KIF7: variants seen among roughly 807,000 people sequenced by gnomAD.
KIF7 encodes kinesin family member 7.
KIF7 carries 104 observed loss-of-function variants against 135.7 expected under a neutral mutation model. The observed-to-expected ratio is 0.77, with a 90% CI of 0.65 to 0.90. The LOEUF (loss-of-function observed/expected upper bound fraction) is 0.90, where lower values mean the gene tolerates loss of function less well. Ranked by LOEUF, KIF7 falls within the 40% of genes least tolerant of loss-of-function variation. The pLI is 0.00. For synonymous variants in KIF7, 883 were observed against 809.4 expected (o/e 1.09, Z -1.54); for missense variants, 2,005 against 1,839.1 (o/e 1.09, Z -1.65).
Position 89,642,868 on chromosome 15 carries a change from C to T in KIF7, c.2192-463G>A, listed in dbSNP as rs143091949. 2.7e-3 allele frequency among the ~76,000 whole-genome samples: 407 copies of T among 152,260 alleles called. 2 individuals are homozygous for T. The highest frequency in any genetic ancestry group is 9.3e-3 in the African/African-American group (385 of 41,564). On this transcript the variant is annotated intron_variant, in intron 10 of 18. Transcript: ENST00000394412. ...ACAGGCGTGAGCCACCGCGCCCAGCCTCAACTCACCTTTTAAATAAGCCTC... is the reference window on the plus strand; with the variant it reads ...ACAGGCGTGAGCCACCGCGCCCAGCTTCAACTCACCTTTTAAATAAGCCTC...
At chr15:89,642,090 A>G (rs1194647832) in intron 11 of KIF7, 113 bp downstream of exon 11, 2 of 1,127,796 alleles carry the variant, frequency 1.8e-6, no homozygotes, top group Non-Finnish European at 2.6e-6. Context: ...GGGCTGGAGC[A>G]CAAGGTTCCA....
intron 11 of KIF7, among the ~76,000 whole-genome samples, chr15:89,641,731 G>A (rs1017602738): frequency 6.6e-6 from 1 of 152,168 alleles, no homozygotes; most frequent in Non-Finnish European, 1.5e-5. Flanking sequence ...AACCCAGGAG[G>A]CGGAGGTTGC....
Position 89,648,588 on chromosome 15 carries a change from G to A in KIF7, c.1110C>T (p.Ser370=), listed in dbSNP as rs1964062909. 2.0e-6 allele frequency: 3 copies of A among 1,521,756 alleles called. No homozygotes were observed. The highest frequency in any genetic ancestry group is 2.6e-6 in the Non-Finnish European group (3 of 1,138,384). The allele number at this position is 1,521,756 out of a possible 1,614,324, so 94.3% of individuals were successfully genotyped here. Residue 370 remains serine, a synonymous_variant, in exon 5 of 19, where the codon AGC becomes AGT. Coordinates refer to ENST00000394412, the MANE Select transcript of KIF7 (RefSeq NM_198525.3). ...GGTGCCGTGGCGGACCCCGCGCGCC[G>A]CTCGCCGTCTCTTCGGGTGGCCGCT... ...EAERPPEETA[S]GARGPPRHRS...
chr15:89,660,506 G>A, the KIF7 span, among the ~76,000 whole-genome samples: 4 of 152,168 alleles, frequency 2.6e-5, no homozygotes, highest in Non-Finnish European at 1.5e-5. Context: ...GTTGATCGCT[G>A]GAGCTGGAGC....
At chr15:89,627,141 A>C, downstream of KIF7, 1 of 1,603,664 alleles carries the variant, frequency 6.2e-7, no homozygotes, top group Non-Finnish European at 8.5e-7. Flanking sequence ...CCCTGTGGAC[A>C]TAAAGAAGTT....
chr15:89,654,951 C>G (rs1317444548), intron 1 of KIF7, among the ~76,000 whole-genome samples: 1 of 152,254 alleles, frequency 6.6e-6, no homozygotes, highest in Non-Finnish European at 1.5e-5. Context: ...GCGTTCCGAG[C>G]CCGGTGCAGT....
intron 4 of KIF7, 61 bp downstream of exon 4, chr15:89,648,913 G>A: frequency 2.0e-6 from 3 of 1,477,752 alleles, no homozygotes; most frequent in South Asian, 2.7e-5. Flanking sequence ...CCCCACTGGT[G>A]TGCTGGACAC....
intron 15 of KIF7, among the ~76,000 whole-genome samples, 185 bp downstream of exon 15, chr15:89,631,310 G>C (rs1963669428): frequency 6.6e-6 from 1 of 152,226 alleles, no homozygotes; most frequent in Non-Finnish European, 1.5e-5. Flanking sequence ...CAGCCAATGA[G>C]GCCAAAGCAG....
intron 11 of KIF7, among the ~76,000 whole-genome samples, chr15:89,639,988 T>C (rs1395310600): frequency 6.6e-6 from 1 of 152,208 alleles, no homozygotes; most frequent in Non-Finnish European, 1.5e-5. Flanking sequence ...TCATGTCCTT[T>C]GTAGGGACAT....
In KIF7 at chr15:89,629,670, C is replaced by T. The variant is rs540513085; in HGVS notation, c.3319-97G>A. 151 of 1,519,214 alleles carry T rather than the reference C, an allele frequency of 9.9e-5. 1 individual carries two copies. The highest frequency in any genetic ancestry group is 1.2e-4 in the Non-Finnish European group (133 of 1,120,620). 94.1% of individuals were successfully genotyped at this position (1,519,214 alleles called of 1,614,324 possible). A position where few individuals can be genotyped will look rare whatever the true frequency, so the allele number is the denominator to read the frequency against. ...CACAGTATTGGCACACTTGCCACCA[C>T]GGCACTAAGAAATCACCAGGGTCTT... is the stretch of plus-strand genomic sequence containing the variant. On this transcript the variant is annotated intron_variant, in intron 16 of 18. Coordinates refer to ENST00000394412, the MANE Select transcript of KIF7 (RefSeq NM_198525.3).
rs1209636794 is a variant in KIF7, at chr15:89,648,635, C to T, written c.1063G>A (p.Val355Ile). Residue 355 changes from valine (V) to isoleucine (I), a missense_variant, in exon 5 of 19, where the codon GTC (valine) becomes ATC (isoleucine). Physicochemically the swap from Val to Ile is conservative, Grantham distance 29. Transcript: ENST00000394412. Reference protein sequence around the residue: ...RAQNIRNRATVNWRPEAERPP... With the variant: ...RAQNIRNRATINWRPEAERPP... ...CGCTCGGCCTCGGGCCGCCAGTTGA[C>T]CGTGGCGCGGTTGCGGATGTTCTGG... 1 of 1,535,270 alleles carries T rather than the reference C, an allele frequency of 6.5e-7. No homozygotes were observed. Among genetic ancestry groups the T allele is most frequent in the Admixed American group, 2.0e-5 (1 of 50,926 alleles).
intron 11 of KIF7, 121 bp from the exon 12 acceptor site, chr15:89,634,004 T>C: frequency 9.6e-7 from 1 of 1,038,860 alleles, no homozygotes; most frequent in Non-Finnish European, 1.5e-6. Flanking sequence ...GATAGACCAA[T>C]AATAATAACA....
intron 2 of KIF7, among the ~76,000 whole-genome samples, chr15:89,651,716 A>G (rs947334667): frequency 2.0e-5 from 3 of 152,154 alleles, no homozygotes; most frequent in African/African-American, 7.2e-5. Flanking sequence ...GTATTTTCCT[A>G]ATTTTTTTTA....
At chr15:89,657,114 C>G (rs111410561), upstream of KIF7, among the ~76,000 whole-genome samples, 2,078 of 152,146 alleles carry the variant, frequency 0.014, 53 homozygotes, top group African/African-American at 0.048. Flanking sequence ...TTGAGACCAA[C>G]CTGGGCAATA....
In KIF7 at chr15:89,628,600, C is replaced by A; in HGVS notation, c.3851G>T (p.Gly1284Val). ...TTCCTCGGGGGACCCCTGCTCCTCA[C>A]CACACAGGCTCGAGCGTTTCCAGGT... ...PLTWKRSSLC[G>V]EEQGSPEELR... Residue 1284 changes from glycine to valine, a missense_variant, in exon 19 of 19, where the codon GGT becomes GTT. Gly to Val is a moderately radical substitution (Grantham distance 109). Transcript: ENST00000394412. 2 of 1,613,550 alleles carry A rather than the reference C, an allele frequency of 1.2e-6. No individual in the cohort carries two copies. Among genetic ancestry groups the A allele is most frequent in the South Asian group, 1.1e-5 (1 of 91,086 alleles).
chr15:89,621,929 C>A (rs1963432001), intron 1 of KIF7, among the ~76,000 whole-genome samples: 2 of 152,006 alleles, frequency 1.3e-5, no homozygotes, highest in South Asian at 2.1e-4. Context: ...TTTTCCCTCT[C>A]CCCAGGCATA....
chr15:89,655,710 C>T (rs941471597), upstream of KIF7, among the ~76,000 whole-genome samples: 6 of 152,218 alleles, frequency 3.9e-5, no homozygotes, highest in Non-Finnish European at 8.8e-5. Flanking sequence ...TCCTCAGCCC[C>T]GAGTCACCTT....
downstream of KIF7, chr15:89,627,893 A>AAAGT (rs1481019060): frequency 6.5e-6 from 1 of 152,902 alleles, no homozygotes; most frequent in African/African-American, 2.4e-5. Context: ...CAGTCTCCAG[A>AAAGT]AAGTGTTCAA....
intron 14 of KIF7, 113 bp downstream of exon 14, chr15:89,632,707 G>GACCTC: frequency 8.6e-7 from 1 of 1,167,252 alleles, no homozygotes; most frequent in Non-Finnish European, 1.2e-6. Flanking sequence ...CACTTTGCTA[G>GACCTC]ACCTCACCTG....
Sources: allele counts gnomAD v4.1 joint callset (sites outside exome capture counted in the v4.1 genomes callset), GRCh38; gene constraint gnomAD v4.1.1; transcripts MANE v1.5; gene names NCBI Gene and HGNC (gene_info 2026-07-23, HGNC 2026-07-21).